Variants in TTC21B observed in about 807,000 individuals in gnomAD.
TTC21B encodes tetratricopeptide repeat domain 21B.
In TTC21B, 127 loss-of-function variants were observed where a neutral mutation model predicts 175.1. The ratio of observed to expected loss-of-function variants is 0.73; its 90% CI spans 0.63 to 0.84. The LOEUF (loss-of-function observed/expected upper bound fraction) is 0.84. Ranked by LOEUF, TTC21B falls within the 40% of genes least tolerant of loss-of-function variation. The pLI is 0.00. For missense variants in TTC21B, 1,561 were observed against 1,558.3 expected (o/e 1.00, Z -0.03); for synonymous variants, 524 against 524.5 (o/e 1.00, Z 0.01).
chr2:165,887,812 AAAG>A (rs1482213624), intron 25 of TTC21B, among the ~76,000 whole-genome samples: 2 of 152,332 alleles, frequency 1.3e-5, no homozygotes, highest in East Asian at 3.9e-4. Flanking sequence ...CAGTGTTGCT[AAAG>A]AATATCATTA....
At chr2:165,941,377 T>C in intron 5 of TTC21B, among the ~76,000 whole-genome samples, 193 bp from the exon 6 acceptor site, 1 of 152,320 alleles carries the variant, frequency 6.6e-6, no homozygotes, top group Middle Eastern at 3.4e-3. Context: ...TAAGCTATTG[T>C]GTTTTAAAAT....
intron 22 of TTC21B, among the ~76,000 whole-genome samples, chr2:165,891,257 G>A (rs2105292542): frequency 6.6e-6 from 1 of 152,020 alleles, no homozygotes; most frequent in African/African-American, 2.4e-5. Flanking sequence ...TATTGTTTGG[G>A]GGACCAAAAC....
At chr2:165,917,227 T>C (rs1243276460) in intron 14 of TTC21B, 30 bp downstream of exon 14, 3 of 1,585,088 alleles carry the variant, frequency 1.9e-6, no homozygotes, top group Non-Finnish European at 2.6e-6. Context: ...AAAGTTCACA[T>C]CCGAGCCCTT....
intron 27 of TTC21B, among the ~76,000 whole-genome samples, chr2:165,876,704 T>A (rs1574057237): frequency 6.6e-6 from 1 of 152,302 alleles, no homozygotes; most frequent in Middle Eastern, 3.4e-3. Flanking sequence ...AGTAAATAAT[T>A]TCAAAACTGA....
chr2:165,911,870 G>C (rs1350108190), intron 17 of TTC21B, among the ~76,000 whole-genome samples: 1 of 151,976 alleles, frequency 6.6e-6, no homozygotes, highest in Non-Finnish European at 1.5e-5. Context: ...TCACCATGTT[G>C]GCCAGGCTGG....
chr2:165,915,517 C>T (rs888422757), intron 14 of TTC21B, 78 bp from the exon 15 acceptor site: 84 of 1,101,690 alleles, frequency 7.6e-5, no homozygotes, highest in Non-Finnish European at 9.9e-5. Flanking sequence ...TTTCTCATAA[C>T]GCAGAATGAA....
At chr2:165,891,052 T>C in intron 22 of TTC21B, 64 bp from the exon 23 acceptor site, 1 of 1,342,766 alleles carries the variant, frequency 7.4e-7, no homozygotes, top group Non-Finnish European at 1.1e-6. Flanking sequence ...TTGGTTATAA[T>C]TCTACTTCAT....
chr2:165,886,402 C>T (rs1428906266), intron 25 of TTC21B, among the ~76,000 whole-genome samples: 1 of 152,010 alleles, frequency 6.6e-6, no homozygotes, highest in Admixed American at 6.6e-5. Flanking sequence ...AAAACGGGAC[C>T]ATACATTATT....
chr2:165,889,313 A>C (rs943236251), intron 24 of TTC21B, among the ~76,000 whole-genome samples: 5 of 152,008 alleles, frequency 3.3e-5, no homozygotes, highest in Non-Finnish European at 7.4e-5. Context: ...TTCTCTTTTC[A>C]CCATGCTGAT....
Position 165,933,035 on chromosome 2 carries a change from T to G in TTC21B, c.733A>C (p.Asn245His). ...AQRLLLQDSQ[N>H]VEALRMQALY... ...GCCTGCATTCTCAGTGCTTCCACATTTTGGCTATCTTGGAGCAGCAACCTG... is the reference window on the plus strand; with the variant it reads ...GCCTGCATTCTCAGTGCTTCCACATGTTGGCTATCTTGGAGCAGCAACCTG... Residue 245 changes from asparagine (N) to histidine (H), a missense_variant, in exon 7 of 29, where the codon AAT becomes CAT. By Grantham distance (68) the Asn-to-His change is moderately conservative. Coordinates refer to ENST00000243344, the MANE Select transcript of TTC21B (RefSeq NM_024753.5). The G allele has an allele frequency of 6.2e-7, 1 of 1,612,758 alleles. No individual in the cohort carries two copies. The highest frequency in any genetic ancestry group is 8.5e-7 in the Non-Finnish European group (1 of 1,179,412).
chr2:165,940,415 C>A (rs1410341681), intron 6 of TTC21B, among the ~76,000 whole-genome samples: 1 of 152,158 alleles, frequency 6.6e-6, no homozygotes, highest in Non-Finnish European at 1.5e-5. Flanking sequence ...CAAGACCCTT[C>A]ACCATCTAGC....
intron 12 of TTC21B, among the ~76,000 whole-genome samples, chr2:165,923,896 C>T (rs373398958): frequency 5.3e-5 from 8 of 151,524 alleles, no homozygotes; most frequent in East Asian, 3.9e-4. Context: ...GGGCTACAGG[C>T]ACATGCCACC....
chr2:165,937,771 C>CCACA (rs4001021), intron 6 of TTC21B, among the ~76,000 whole-genome samples: 3,979 of 127,508 alleles, frequency 0.031, 86 homozygotes, highest in African/African-American at 0.048. Context: ...TATATAGAAA[C>CCACA]CACACACACA....
In TTC21B at chr2:165,930,313, C is replaced by G; in HGVS notation, c.946G>C (p.Ala316Pro). ...GATTGCTGAGGGTTTAAACTAAAAG[C>G]TCTCTCAAGTAACGTTTGAATTTTT... ...LQKIQTLLER[A>P]FSLNPQQSEF... Residue 316 changes from alanine (A) to proline (P), a missense_variant, in exon 9 of 29, where the codon GCT (alanine) becomes CCT (proline). By Grantham distance (27) the Ala-to-Pro change is conservative. Transcript: ENST00000243344. The G allele has an allele frequency of 6.2e-7, 1 of 1,612,730 alleles. No individual in the cohort carries two copies. Among genetic ancestry groups the G allele is most frequent in the Non-Finnish European group, 8.5e-7 (1 of 1,179,218 alleles).
intron 15 of TTC21B, 88 bp downstream of exon 15, chr2:165,915,113 A>G (rs1686114666): frequency 9.7e-7 from 1 of 1,027,244 alleles, no homozygotes; most frequent in East Asian, 2.4e-5. Context: ...GTATTTGTGA[A>G]GCAGTTGAAA....
At chr2:165,890,448 T>C (rs1189600581) in intron 24 of TTC21B, 31 bp downstream of exon 24, 2 of 1,609,432 alleles carry the variant, frequency 1.2e-6, no homozygotes, top group East Asian at 2.2e-5. Context: ...CAAGTGTTTT[T>C]TAAAAAAGGA....
At chr2:165,928,397 T>C (rs1220622863) in intron 11 of TTC21B, among the ~76,000 whole-genome samples, 2 of 152,144 alleles carry the variant, frequency 1.3e-5, no homozygotes, top group Non-Finnish European at 2.9e-5. Context: ...GAAAGTTGGA[T>C]GGACTTCCAG....
At chr2:165,950,576 G>C (rs1307240407) in intron 1 of TTC21B, among the ~76,000 whole-genome samples, 2 of 152,168 alleles carry the variant, frequency 1.3e-5, no homozygotes, top group African/African-American at 4.8e-5. Context: ...AGGTGACTAA[G>C]TGACAGGATT....
intron 27 of TTC21B, among the ~76,000 whole-genome samples, chr2:165,878,680 A>ATTT (rs60789699): frequency 2.3e-5 from 3 of 130,926 alleles, no homozygotes; most frequent in Non-Finnish European, 3.2e-5. Flanking sequence ...CATGAGCACG[A>ATTT]TTTTTTTTTT....
Sources: allele counts gnomAD v4.1 joint callset (sites outside exome capture counted in the v4.1 genomes callset), GRCh38; gene constraint gnomAD v4.1.1; transcripts MANE v1.5; gene names NCBI Gene and HGNC (gene_info 2026-07-23, HGNC 2026-07-21).